Variants in MSRA observed in about 807,000 individuals in gnomAD.
The protein encoded by MSRA is mitochondrial peptide methionine sulfoxide reductase.
Under a neutral mutation model 31.3 loss-of-function variants are expected in MSRA, and 54 were observed. The ratio of observed to expected loss-of-function variants is 1.73; its 90% CI spans 1.39 to 2.17. The LOEUF is 2.17. Among genes scored for constraint, MSRA ranks in the 30% most tolerant of loss-of-function variants. MSRA has a pLI of 0.00. For missense variants in MSRA, 507 were observed against 300.9 expected (o/e 1.69, Z -5.07); for synonymous variants, 169 against 116.5 (o/e 1.45, Z -2.90).
chr8:10,403,319 A>G (rs1263378927), intron 5 of MSRA, among the ~76,000 whole-genome samples: 1 of 152,170 alleles, frequency 6.6e-6, no homozygotes, highest in Non-Finnish European at 1.5e-5. Flanking sequence ...CAACCCAGCC[A>G]ACGAGAAAAA....
chr8:10,428,285 G>C lies in MSRA; in HGVS notation c.681G>C (p.Val227=), dbSNP rs1809323168. The C allele has an allele frequency of 1.2e-6, 2 of 1,613,702 alleles. No individual in the cohort carries two copies. The highest frequency in any genetic ancestry group is 1.3e-5 in the African/African-American group (1 of 75,026). ...ACTGCGGCCTTGGGGGCACCGGCGT[G>C]TCCTGCCCAGTGGGTATTAAAAAAT... ...NGYCGLGGTG[V]SCPVGIKK The change falls in exon 6 of 6, where the codon GTG becomes GTC. Residue 227 remains valine (V), a synonymous_variant. Coordinates refer to ENST00000317173, the MANE Select transcript of MSRA (RefSeq NM_012331.5).
chr8:10,103,699 TTA>T (rs970567713), intron 1 of MSRA, among the ~76,000 whole-genome samples: 12 of 151,428 alleles, frequency 7.9e-5, no homozygotes, highest in East Asian at 3.9e-4. Flanking sequence ...ATAGACTGTT[TTA>T]TATATATATA....
intron 1 of MSRA, among the ~76,000 whole-genome samples, chr8:10,058,234 C>T (rs1316509135): frequency 6.6e-6 from 1 of 151,774 alleles, no homozygotes; most frequent in Non-Finnish European, 1.5e-5. Flanking sequence ...ATGTATTAAT[C>T]CAAAAGGTGG....
At chr8:10,133,333 GA>G (rs1454784236) in intron 1 of MSRA, among the ~76,000 whole-genome samples, 1 of 152,160 alleles carries the variant, frequency 6.6e-6, no homozygotes, top group Non-Finnish European at 1.5e-5. Flanking sequence ...TTAGAAAGAG[GA>G]CAGTCCGTGG....
intron 5 of MSRA, among the ~76,000 whole-genome samples, chr8:10,322,461 T>TC (rs1563349229): frequency 6.6e-6 from 1 of 152,136 alleles, no homozygotes; most frequent in Admixed American, 6.5e-5. Context: ...GAGGGACAGG[T>TC]CCAGGTCCAG....
At chr8:10,226,849 C>G (rs894267857) in intron 2 of MSRA, among the ~76,000 whole-genome samples, 2 of 152,186 alleles carry the variant, frequency 1.3e-5, no homozygotes, top group African/African-American at 4.8e-5. Context: ...CAGCCTTGCT[C>G]TCAGGTCCTC....
chr8:10,273,634 C>T (rs1028776768), intron 3 of MSRA, among the ~76,000 whole-genome samples: 4 of 152,152 alleles, frequency 2.6e-5, no homozygotes, highest in African/African-American at 9.7e-5. Context: ...CCCACCATCT[C>T]ACTTCTTCTC....
At chr8:10,096,035 G>A (rs1445659701) in intron 1 of MSRA, 20 of 1,449,262 alleles carry the variant, frequency 1.4e-5, no homozygotes, top group Admixed American at 2.5e-5. Context: ...TTCGGAATGT[G>A]TTCAGAACGT....
chr8:10,186,221 C>T (rs1219987054), intron 1 of MSRA, among the ~76,000 whole-genome samples: 6 of 152,140 alleles, frequency 3.9e-5, no homozygotes, highest in Non-Finnish European at 5.9e-5. Context: ...ACTTTGCCAT[C>T]CTCTTCTCAT....
chr8:10,330,988 G>T (rs936591478), intron 5 of MSRA, among the ~76,000 whole-genome samples: 3 of 152,196 alleles, frequency 2.0e-5, no homozygotes, highest in East Asian at 1.9e-4. Flanking sequence ...TGATGGGACT[G>T]CTGTCCTTAT....
chr8:10,234,740 G>A (rs901539443), intron 2 of MSRA, among the ~76,000 whole-genome samples: 1 of 151,882 alleles, frequency 6.6e-6, no homozygotes, highest in Non-Finnish European at 1.5e-5. Context: ...AAAGAAGACT[G>A]GGAAAACATA....
intron 1 of MSRA, among the ~76,000 whole-genome samples, chr8:10,185,895 AT>A (rs11438094): frequency 3.3e-5 from 5 of 149,438 alleles, no homozygotes; most frequent in Admixed American, 6.7e-5. Context: ...ATTTCCATTC[AT>A]TTTTTTTTTC....
intron 3 of MSRA, among the ~76,000 whole-genome samples, chr8:10,275,053 A>G (rs1035497551): frequency 1.3e-5 from 2 of 152,200 alleles, no homozygotes; most frequent in African/African-American, 2.4e-5. Flanking sequence ...CATGACGTGC[A>G]AATGCATTAT....
At chr8:10,326,156 G>C (rs929037388) in intron 5 of MSRA, among the ~76,000 whole-genome samples, 1 of 152,158 alleles carries the variant, frequency 6.6e-6, no homozygotes, top group African/African-American at 2.4e-5. Flanking sequence ...TAATTTAATA[G>C]TCTTCTTCAC....
At chr8:10,360,395 T>C (rs1804777378) in intron 5 of MSRA, among the ~76,000 whole-genome samples, 1 of 152,250 alleles carries the variant, frequency 6.6e-6, no homozygotes, top group Admixed American at 6.5e-5. Context: ...TTTGGAGTTC[T>C]TGGGGATACC....
In MSRA at chr8:10,187,624, G is replaced by C. The variant is rs190779059; in HGVS notation, c.143-20209G>C. 1.5e-3 allele frequency among the ~76,000 whole-genome samples: 225 copies of C among 152,292 alleles called. 1 individual carries two copies. Among genetic ancestry groups the C allele is most frequent in the Admixed American group, 3.4e-3 (52 of 15,306 alleles). On this transcript the variant is annotated intron_variant, in intron 1 of 5. Transcript: ENST00000317173. ...GTGGGCTATCCACTGTAATGACAAGGCATGACTTCCTGGTTTGTATTTCTT... is the reference window on the plus strand; with the variant it reads ...GTGGGCTATCCACTGTAATGACAAGCCATGACTTCCTGGTTTGTATTTCTT...
At chr8:10,161,307 G>T (rs1301215258) in intron 1 of MSRA, among the ~76,000 whole-genome samples, 1 of 152,080 alleles carries the variant, frequency 6.6e-6, no homozygotes, top group Non-Finnish European at 1.5e-5. Context: ...CAACCCCCTG[G>T]CTGTTTTTGC....
At chr8:10,337,885 A>G (rs1278878244) in intron 5 of MSRA, 37 of 689,832 alleles carry the variant, frequency 5.4e-5, no homozygotes, top group Admixed American at 4.1e-5. Context: ...AAATGCACAC[A>G]TTCTTTGTTA....
At chr8:10,094,722 C>T (rs529897563) in intron 1 of MSRA, among the ~76,000 whole-genome samples, 4 of 152,264 alleles carry the variant, frequency 2.6e-5, no homozygotes, top group Non-Finnish European at 4.4e-5. Flanking sequence ...GTGTGTGAAG[C>T]ACAGACTGGC....
Sources: allele counts gnomAD v4.1 joint callset (sites outside exome capture counted in the v4.1 genomes callset), GRCh38; gene constraint gnomAD v4.1.1; transcripts MANE v1.5; gene names NCBI Gene and HGNC (gene_info 2026-07-23, HGNC 2026-07-21).